LRRC27: variants seen among roughly 807,000 people sequenced by gnomAD.
The protein encoded by LRRC27 is leucine-rich repeat-containing protein 27.
In LRRC27, 57 loss-of-function variants were observed where a neutral mutation model predicts 55.0. That is an observed-to-expected ratio of 1.04 (90% CI 0.84 to 1.29). The LOEUF is 1.29. Ranked by LOEUF, LRRC27 falls within the 50% of genes most tolerant of loss-of-function variation. LRRC27 has a pLI of 0.00. For synonymous variants in LRRC27, 278 were observed against 251.9 expected (o/e 1.10, Z -0.98); for missense variants, 721 against 651.5 (o/e 1.11, Z -1.16).
chr10:132,337,194 G>A, intron 2 of LRRC27: 1 of 1,173,414 alleles, frequency 8.5e-7, no homozygotes, highest in Non-Finnish European at 1.1e-6. Flanking sequence ...TTCGGGGGCT[G>A]CCGAGGGCCA....
chr10:132,359,356 A>G (rs1312516660), intron 8 of LRRC27, among the ~76,000 whole-genome samples: 2 of 152,192 alleles, frequency 1.3e-5, no homozygotes, highest in East Asian at 1.9e-4. Context: ...TTGGAGAGAC[A>G]AGCATAAATA....
intron 10 of LRRC27, among the ~76,000 whole-genome samples, chr10:132,369,131 G>A (rs2069159738): frequency 6.6e-6 from 1 of 152,232 alleles, no homozygotes; most frequent in Non-Finnish European, 1.5e-5. Context: ...CCAAATGCTG[G>A]TGAGGACGTG....
chr10:132,381,024 T>A lies in LRRC27; in HGVS notation c.*5782T>A, dbSNP rs979105105. On this transcript the variant is annotated 3_prime_UTR_variant, in exon 11 of 11. Transcript: ENST00000368614. ...GTATAGGATTGCTGTGTGTGATGGT[T>A]CATATTAAATGTCAACTTGATTAGA... Among the ~76,000 whole-genome samples, 1 of 152,218 alleles carries A rather than the reference T, an allele frequency of 6.6e-6. No homozygotes were observed. The highest frequency in any genetic ancestry group is 2.4e-5 in the African/African-American group (1 of 41,460).
Position 132,371,974 on chromosome 10 carries a change from G to A in LRRC27, c.1417-3092G>A, listed in dbSNP as rs186094569. 3.0e-3 allele frequency among the ~76,000 whole-genome samples: 450 copies of A among 152,376 alleles called. 1 individual carries two copies. The highest frequency in any genetic ancestry group is 0.01 in the African/African-American group (430 of 41,590). On this transcript the variant is annotated intron_variant, in intron 10 of 10. Coordinates refer to ENST00000368614, the MANE Select transcript of LRRC27 (RefSeq NM_030626.3). Reference sequence around the variant, plus strand: ...TCCTCGCACATATGGAGGCCAGCACGATTTTGCACGAAGGAAGCCCCCTAG... The same window carrying A: ...TCCTCGCACATATGGAGGCCAGCACAATTTTGCACGAAGGAAGCCCCCTAG...
upstream of LRRC27, chr10:132,331,313 G>A: frequency 1.0e-6 from 1 of 953,242 alleles, no homozygotes; most frequent in South Asian, 1.7e-5. Context: ...ATTATCAGTT[G>A]GATCCTGGAA....
rs2069248339 is a variant in LRRC27 at position 132,372,788 on chromosome 10, C to T, written c.1417-2278C>T. Among the ~76,000 whole-genome samples, 2 of 152,208 alleles carry T rather than the reference C, an allele frequency of 1.3e-5. No homozygotes were observed. The highest frequency in any genetic ancestry group is 2.9e-5 in the Non-Finnish European group (2 of 68,046). On this transcript the variant is annotated intron_variant, in intron 10 of 10. Transcript: ENST00000368614. This position sits in a 1 kb window ranked among gnomAD's most constrained non-coding sequence, Gnocchi z 4.0. The stretch of plus-strand genomic sequence containing the variant: ...TGCACAACCGACCAGGAGGGCTGGC[C>T]AGCTCCATGGCGCTGTCTGAGATAT...
At chr10:132,369,080 G>A (rs928196778) in intron 10 of LRRC27, among the ~76,000 whole-genome samples, 2 of 152,208 alleles carry the variant, frequency 1.3e-5, no homozygotes, top group Non-Finnish European at 1.5e-5. Context: ...AGAAATGCAA[G>A]TTAAGGAGAT....
At position 132,339,682 on chromosome 10, in the gene LRRC27, C is replaced by T. The variant is rs1164666656; in HGVS notation, c.341+1987C>T. On this transcript the variant is annotated intron_variant, in intron 3 of 10. Coordinates refer to ENST00000368614, the MANE Select transcript of LRRC27 (RefSeq NM_030626.3). ...TGCTTTGGGAAGGATTTCTTCTTCA[C>T]ACGATCATCATCTTCTGGGTTTAGA... Among the ~76,000 whole-genome samples the T allele has an allele frequency of 2.0e-5, 3 of 152,220 alleles. No homozygotes were observed. The East Asian group carries it at 5.8e-4, about 29-fold the overall frequency.
upstream of LRRC27, chr10:132,331,895 C>A (rs1173880077): frequency 2.1e-6 from 2 of 952,472 alleles, no homozygotes; most frequent in African/African-American, 1.9e-5. Flanking sequence ...CCCCCTGCCA[C>A]CCCCGCGCAG....
rs2068024879 is a variant in LRRC27 at position 132,351,773 on chromosome 10, G to C, written c.1073+20G>C. 6.3e-7 allele frequency: 1 copy of C among 1,595,580 alleles called. No homozygotes were observed. The highest frequency in any genetic ancestry group is 8.5e-7 in the Non-Finnish European group (1 of 1,170,498). On this transcript the variant is annotated intron_variant, in intron 7 of 10. Coordinates refer to ENST00000368614, the MANE Select transcript of LRRC27 (RefSeq NM_030626.3). ...GAGACGGTGAGTCCACACAGGGTGG[G>C]GGTCCGCACAGCCCGCCCAGTGCAC...
chr10:132,371,178 A>G (rs559673363), intron 10 of LRRC27, among the ~76,000 whole-genome samples: 1 of 152,218 alleles, frequency 6.6e-6, no homozygotes, highest in African/African-American at 2.4e-5. Flanking sequence ...AGTGCCGCGC[A>G]TGGCGTGGCG....
intron 5 of LRRC27, among the ~76,000 whole-genome samples, chr10:132,346,062 G>C (rs942442811): frequency 2.0e-5 from 3 of 152,208 alleles, no homozygotes; most frequent in Non-Finnish European, 4.4e-5. Flanking sequence ...TCCATCTGAG[G>C]GTGGAGGGGC....
At chr10:132,339,675 T>C (rs977828386) in intron 3 of LRRC27, among the ~76,000 whole-genome samples, 24 of 152,234 alleles carry the variant, frequency 1.6e-4, no homozygotes, top group African/African-American at 5.5e-4. Context: ...GAAGGATTTC[T>C]TCTTCACACG....
chr10:132,330,748 G>C (rs2066665452), upstream of LRRC27, among the ~76,000 whole-genome samples: 1 of 147,698 alleles, frequency 6.8e-6, no homozygotes, highest in Admixed American at 6.8e-5. Flanking sequence ...GGCCTCAAGC[G>C]ATCTTCCCAC....
In LRRC27 at chr10:132,377,712, G is replaced by C. The variant is rs530949981; in HGVS notation, c.*2470G>C. Reference sequence around the variant, plus strand: ...ATAACTTTTTTTTAAGTATTTCTTTGTATCATGGTTATGCTTTGACTGGCC... The same window carrying C: ...ATAACTTTTTTTTAAGTATTTCTTTCTATCATGGTTATGCTTTGACTGGCC... On this transcript the variant is annotated 3_prime_UTR_variant, in exon 11 of 11. Transcript: ENST00000368614. 1.3e-5 allele frequency: 2 copies of C among 152,088 alleles called. No individual in the cohort carries two copies. The highest frequency in any genetic ancestry group is 2.9e-5 in the Non-Finnish European group (2 of 68,028). 9.4% of individuals were successfully genotyped at this position (152,088 alleles called of 1,614,324 possible). A position where few individuals can be genotyped will look rare whatever the true frequency, so the allele number is the denominator to read the frequency against.
intron 9 of LRRC27, among the ~76,000 whole-genome samples, chr10:132,364,408 CACACCCGCGCTT>C (rs2068837334): frequency 6.7e-6 from 1 of 149,486 alleles, no homozygotes; most frequent in East Asian, 1.9e-4. Context: ...CATCTACCTC[CACACCCGCGCTT>C]ACACCCACGC....
rs2069244272 is a variant in LRRC27 at position 132,372,576 on chromosome 10, A to G, written c.1417-2490A>G. Among the ~76,000 whole-genome samples the G allele has an allele frequency of 6.6e-6, 1 of 152,152 alleles. No homozygotes were observed. The highest frequency in any genetic ancestry group is 2.4e-5 in the African/African-American group (1 of 41,430). ...AGAGCGAAACTCCATTTCAAAAAAC[A>G]AAAAGGAAGCGGAGTCTATACAGGT... On this transcript the variant is annotated intron_variant, in intron 10 of 10. Transcript: ENST00000368614. The surrounding 1 kb of genome is among the most constrained non-coding windows in gnomAD (Gnocchi z 4.0).
intron 3 of LRRC27, 135 bp downstream of exon 3, chr10:132,337,830 A>T: frequency 9.4e-7 from 1 of 1,065,300 alleles, no homozygotes; most frequent in East Asian, 2.6e-5. Flanking sequence ...TTTTAAAGCC[A>T]GCTAAGAGGT....
intron 9 of LRRC27, among the ~76,000 whole-genome samples, chr10:132,362,297 G>C (rs897926729): frequency 7.2e-5 from 11 of 152,228 alleles, no homozygotes; most frequent in Non-Finnish European, 1.0e-4. Flanking sequence ...GAGTTCAGGA[G>C]AGCAGGGAGG....
Sources: allele counts gnomAD v4.1 joint callset (sites outside exome capture counted in the v4.1 genomes callset), GRCh38; gene constraint gnomAD v4.1.1; non-coding constraint Gnocchi (gnomAD v3.1); transcripts MANE v1.5; gene names NCBI Gene and HGNC (gene_info 2026-07-23, HGNC 2026-07-21).